The following ADGRL3 variants were observed in gnomAD, a reference collection of about 807,000 sequenced individuals.
ADGRL3 encodes adhesion G protein-coupled receptor L3.
ADGRL3 carries 62 observed loss-of-function variants against 153.5 expected under a neutral mutation model. That is an observed-to-expected ratio of 0.40 (90% confidence interval 0.33 to 0.50). ADGRL3 has a LOEUF of 0.50. Ranked by LOEUF, ADGRL3 falls within the 20% of genes least tolerant of loss-of-function variation. The probability of loss-of-function intolerance (pLI) is 0.47; values close to 1 mark genes in which losing one functional copy is unlikely to be tolerated. For synonymous variants in ADGRL3, 710 were observed against 672.5 expected (o/e 1.06, Z -0.86); for missense variants, 1,641 against 1,859.4 (o/e 0.88, Z 2.16).
intron 1 of ADGRL3, among the ~76,000 whole-genome samples, chr4:61,371,541 G>T (rs570894033): frequency 0.015 from 2,245 of 151,704 alleles, 52 homozygotes; most frequent in African/African-American, 0.051. Context: ...TTTTCTTTAA[G>T]AATGTTGAAT....
At chr4:61,817,620 T>G (rs2097703171) in intron 9 of ADGRL3, among the ~76,000 whole-genome samples, 1 of 151,998 alleles carries the variant, frequency 6.6e-6, no homozygotes, top group Non-Finnish European at 1.5e-5. Flanking sequence ...CTCACTGTAT[T>G]AGTTTGTTCT....
intron 8 of ADGRL3, among the ~76,000 whole-genome samples, chr4:61,785,562 G>A (rs1393388478): frequency 1.3e-5 from 2 of 152,158 alleles, no homozygotes; most frequent in African/African-American, 2.4e-5. Context: ...TAATATAGCT[G>A]ACTTAGAGGG....
intron 15 of ADGRL3, 65 bp from the exon 16 acceptor site, chr4:61,946,849 A>G (rs1288607762): frequency 1.0e-5 from 12 of 1,202,538 alleles, no homozygotes; most frequent in Admixed American, 1.8e-5. Context: ...TTAATTTTCT[A>G]TCTCATTAGT....
In ADGRL3 at chr4:61,869,960, A is replaced by AAAAAAAAAAAAAAAAAG. The variant is rs1554051477; in HGVS notation, c.1481-22695_1481-22694insAAAAAAAAAAAAAAAGA. Among the ~76,000 whole-genome samples the AAAAAAAAAAAAAAAAAG allele has an allele frequency of 7.5e-4, 76 of 101,820 alleles. 2 individuals carry two copies. The highest frequency in any genetic ancestry group is 9.3e-4 in the Non-Finnish European group (46 of 49,694). 66.8% of individuals were successfully genotyped at this position (101,820 alleles called of 152,430 possible). A position where few individuals can be genotyped will look rare whatever the true frequency, so the allele number is the denominator to read the frequency against. The stretch of plus-strand genomic sequence containing the variant: ...TTAAAAAAAAAAAAAAAAAAAAAAA[A>AAAAAAAAAAAAAAAAAG]AGAGAGAGAGAGAGAAAGAGAGAGA... On this transcript the variant is annotated intron_variant, in intron 9 of 26. Coordinates refer to ENST00000683033, the MANE Select transcript of ADGRL3 (RefSeq NM_001387552.1).
chr4:61,406,006 A>T (rs2096990481), intron 2 of ADGRL3, among the ~76,000 whole-genome samples: 1 of 152,028 alleles, frequency 6.6e-6, no homozygotes, highest in South Asian at 2.1e-4. Context: ...GAATAAACAA[A>T]CTTCAAACAT....
chr4:61,309,866 A>G (rs2094932403), intron 1 of ADGRL3, among the ~76,000 whole-genome samples: 1 of 152,042 alleles, frequency 6.6e-6, no homozygotes, highest in African/African-American at 2.4e-5. Context: ...TGCCAAAGAT[A>G]TTGAGGAAAG....
intron 9 of ADGRL3, among the ~76,000 whole-genome samples, chr4:61,891,513 C>A (rs2098585563): frequency 6.6e-6 from 1 of 152,166 alleles, no homozygotes; most frequent in Admixed American, 6.5e-5. Flanking sequence ...TATCCCATCC[C>A]TTCACCATGT....
intron 5 of ADGRL3, among the ~76,000 whole-genome samples, chr4:61,646,607 A>G (rs1211636581): frequency 1.3e-5 from 2 of 151,686 alleles, no homozygotes; most frequent in East Asian, 3.9e-4. Flanking sequence ...GGGGTCAGGG[A>G]CCCACTTGAG....
At chr4:61,275,082 G>A (rs977897714) in intron 1 of ADGRL3, among the ~76,000 whole-genome samples, 4 of 152,040 alleles carry the variant, frequency 2.6e-5, no homozygotes, top group Admixed American at 6.6e-5. Context: ...TGCAACTGAG[G>A]GCACTTTTAG....
chr4:62,029,491 A>G (rs1438979148), intron 22 of ADGRL3, among the ~76,000 whole-genome samples: 1 of 151,720 alleles, frequency 6.6e-6, no homozygotes, highest in Non-Finnish European at 1.5e-5. Context: ...AGTCTGTACT[A>G]ATCTAACAAA....
At chr4:61,760,270 G>A (rs909429100) in intron 8 of ADGRL3, among the ~76,000 whole-genome samples, 10 of 152,156 alleles carry the variant, frequency 6.6e-5, no homozygotes, top group East Asian at 3.9e-4. Flanking sequence ...AGTCTACAGA[G>A]GTAGGCAGGC....
At chr4:61,259,493 C>T (rs2092332960) in intron 1 of ADGRL3, among the ~76,000 whole-genome samples, 3 of 151,886 alleles carry the variant, frequency 2.0e-5, no homozygotes, top group Non-Finnish European at 4.4e-5. Flanking sequence ...AATAGAAGAT[C>T]ATTACTGCTC....
At chr4:61,409,992 CT>C (rs1400168210) in intron 2 of ADGRL3, among the ~76,000 whole-genome samples, 2 of 151,804 alleles carry the variant, frequency 1.3e-5, no homozygotes, top group African/African-American at 4.8e-5. Flanking sequence ...ATAATCAGAT[CT>C]TTGCATTTGT....
intron 8 of ADGRL3, among the ~76,000 whole-genome samples, chr4:61,735,714 A>C (rs552248762): frequency 3.9e-5 from 6 of 152,316 alleles, no homozygotes; most frequent in Admixed American, 3.9e-4. Flanking sequence ...TTAGGTAATC[A>C]GTGAATAAGA....
chr4:61,928,893 T>C (rs2150072962), intron 13 of ADGRL3, among the ~76,000 whole-genome samples: 1 of 152,270 alleles, frequency 6.6e-6, no homozygotes, highest in African/African-American at 2.4e-5. Context: ...AACTTACCTT[T>C]GTGTGATAAA....
intron 6 of ADGRL3, among the ~76,000 whole-genome samples, chr4:61,700,530 A>G (rs775202023): frequency 1.8e-4 from 28 of 152,204 alleles, no homozygotes; most frequent in Non-Finnish European, 3.2e-4. Context: ...TGAATGCCGT[A>G]CTATGGATGC....
intron 5 of ADGRL3, among the ~76,000 whole-genome samples, chr4:61,665,094 T>C (rs2094739031): frequency 6.6e-6 from 1 of 152,244 alleles, no homozygotes; most frequent in South Asian, 2.1e-4. Context: ...GAATGATTTA[T>C]GTGTAGAATA....
intron 2 of ADGRL3, among the ~76,000 whole-genome samples, chr4:61,422,433 A>G (rs897107514): frequency 6.6e-6 from 1 of 152,188 alleles, no homozygotes; most frequent in African/African-American, 2.4e-5. Flanking sequence ...GTGAATGTAT[A>G]CTAACATATT....
At chr4:61,940,105 A>G (rs1355251272) in intron 15 of ADGRL3, among the ~76,000 whole-genome samples, 1 of 106,744 alleles carries the variant, frequency 9.4e-6, no homozygotes, top group Non-Finnish European at 1.9e-5. Context: ...CACAGTCCCC[A>G]GAGTGTGATA....
Sources: gnomAD v4.1 joint callset for allele counts (sites outside exome capture counted in the v4.1 genomes callset) on GRCh38, gnomAD v4.1.1 for gene constraint, MANE v1.5 for transcripts, NCBI Gene and HGNC (gene_info 2026-07-23, HGNC 2026-07-21) for gene names.